The following LMBRD1 variants were observed in gnomAD, a reference collection of about 807,000 sequenced individuals.
The protein encoded by LMBRD1 is lysosomal cobalamin transport escort protein LMBD1.
In LMBRD1, 64 loss-of-function variants were observed where a neutral mutation model predicts 74.8. That is an observed-to-expected ratio of 0.86 (90% CI 0.70 to 1.05). LMBRD1 has a LOEUF of 1.05. Among genes scored for constraint, LMBRD1 ranks in the 50% least tolerant of loss-of-function variants. The pLI, the probability that LMBRD1 is intolerant of heterozygous loss-of-function variation, is 0.00. For missense variants in LMBRD1, 652 were observed against 645.9 expected (o/e 1.01, Z -0.10); for synonymous variants, 204 against 216.3 (o/e 0.94, Z 0.50).
At chr6:69,688,879 A>G (rs539417230) in intron 14 of LMBRD1, among the ~76,000 whole-genome samples, 1 of 152,224 alleles carries the variant, frequency 6.6e-6, no homozygotes, top group African/African-American at 2.4e-5. Context: ...TTACTTTTCT[A>G]TGTCAAAACA....
chr6:69,775,023 G>A lies in LMBRD1; in HGVS notation c.307+5471C>T, dbSNP rs1293886270. Among the ~76,000 whole-genome samples the A allele has an allele frequency of 9.8e-4, 105 of 106,896 alleles. 22 individuals carry two copies. Among genetic ancestry groups the A allele is most frequent in the South Asian group, 1.4e-3 (4 of 2,802 alleles). The allele number at this position is 106,896 out of a possible 152,430, so 70.1% of individuals were successfully genotyped here. ...GGAGGGAGGGAGGGAGGGAGGGAGGGAGGGAGGGAGGGAAGGAAGGAAAAG... is the reference window on the plus strand; with the variant it reads ...GGAGGGAGGGAGGGAGGGAGGGAGGAAGGGAGGGAGGGAAGGAAGGAAAAG... On this transcript the variant is annotated intron_variant, in intron 3 of 15. Coordinates refer to ENST00000649934, the MANE Select transcript of LMBRD1 (RefSeq NM_018368.4).
At chr6:69,699,262 G>A (rs1766075920) in intron 12 of LMBRD1, 70 bp from the exon 13 acceptor site, 2 of 1,363,680 alleles carry the variant, frequency 1.5e-6, no homozygotes, top group African/African-American at 1.4e-5. Context: ...CTTTTCTTGT[G>A]TTATGGGAAA....
At chr6:69,697,791 G>T in intron 13 of LMBRD1, 150 bp from the exon 14 acceptor site, 1 of 575,650 alleles carries the variant, frequency 1.7e-6, no homozygotes, top group Non-Finnish European at 3.1e-6. Context: ...ATTGCTCTTA[G>T]AAGAAAAATA....
At chr6:69,774,216 C>A (rs543778530) in intron 3 of LMBRD1, among the ~76,000 whole-genome samples, 1 of 152,198 alleles carries the variant, frequency 6.6e-6, no homozygotes, top group Non-Finnish European at 1.5e-5. Context: ...AGTTCCCCTG[C>A]ACATGCTCTT....
intron 5 of LMBRD1, 123 bp downstream of exon 5, chr6:69,749,218 G>T (rs1379997255): frequency 3.9e-6 from 3 of 759,660 alleles, no homozygotes; most frequent in African/African-American, 3.6e-5. Context: ...GATTTAGAGA[G>T]TGGATTGTTC....
chr6:69,746,671 C>T (rs1767239642), intron 5 of LMBRD1: 2 of 152,354 alleles, frequency 1.3e-5, no homozygotes, highest in Non-Finnish European at 2.9e-5. Context: ...TTCTGGACTA[C>T]ACTGAGCAAC....
chr6:69,780,373 G>T, intron 3 of LMBRD1, 121 bp downstream of exon 3: 1 of 748,420 alleles, frequency 1.3e-6, no homozygotes, highest in Non-Finnish European at 2.4e-6. Flanking sequence ...CTCCATGTGT[G>T]TCCATGTCAT....
intron 8 of LMBRD1, among the ~76,000 whole-genome samples, chr6:69,716,578 T>C (rs1009954513): frequency 3.3e-5 from 5 of 152,116 alleles, no homozygotes; most frequent in Non-Finnish European, 7.4e-5. Flanking sequence ...ATGTGCACAA[T>C]CAGTAGAGCT....
At chr6:69,713,553 G>T in intron 9 of LMBRD1, 92 bp downstream of exon 9, 1 of 1,299,950 alleles carries the variant, frequency 7.7e-7, no homozygotes, top group Non-Finnish European at 1.1e-6. Flanking sequence ...GTACCATGCT[G>T]TAATGCCTCA....
intron 3 of LMBRD1, among the ~76,000 whole-genome samples, chr6:69,766,963 G>A (rs1562118559): frequency 6.6e-6 from 1 of 151,494 alleles, no homozygotes; most frequent in Non-Finnish European, 1.5e-5. Context: ...AAATTGTCTA[G>A]GAATTTATCC....
intron 1 of LMBRD1, among the ~76,000 whole-genome samples, chr6:69,791,397 C>G (rs1020822319): frequency 6.6e-6 from 1 of 152,226 alleles, no homozygotes; most frequent in Non-Finnish European, 1.5e-5. Flanking sequence ...TCAGCCTTCA[C>G]TGTGAGTCAG....
At chr6:69,759,261 A>G (rs550933365) in intron 3 of LMBRD1, among the ~76,000 whole-genome samples, 5 of 152,320 alleles carry the variant, frequency 3.3e-5, no homozygotes, top group Middle Eastern at 6.8e-3. Flanking sequence ...GAAGAGAAAC[A>G]TAAGTGCTCA....
intron 2 of LMBRD1, 73 bp from the exon 3 acceptor site, chr6:69,780,627 TACGAC>T: frequency 9.2e-7 from 1 of 1,083,634 alleles, no homozygotes; most frequent in Non-Finnish European, 1.4e-6. Context: ...CAAGTTTTAA[TACGAC>T]TGAATATCAC....
intron 7 of LMBRD1, 25 bp from the exon 8 acceptor site, chr6:69,719,106 T>A: frequency 6.2e-7 from 1 of 1,606,258 alleles, no homozygotes; most frequent in Non-Finnish European, 8.5e-7. Context: ...ATTGAAATGT[T>A]TTAGAAATAA....
intron 4 of LMBRD1, among the ~76,000 whole-genome samples, chr6:69,751,585 C>T (rs67678871): frequency 0.34 from 52,398 of 152,102 alleles, 9,957 homozygotes; most frequent in East Asian, 0.54. Context: ...GCCTCGGCCT[C>T]CCAAAGTGCT....
At chr6:69,781,224 T>C (rs1765827623) in intron 2 of LMBRD1, among the ~76,000 whole-genome samples, 1 of 152,182 alleles carries the variant, frequency 6.6e-6, no homozygotes. Context: ...GCTTAGAAAA[T>C]ATAATTCAAA....
intron 3 of LMBRD1, among the ~76,000 whole-genome samples, chr6:69,756,517 A>T (rs78687955): frequency 0.02 from 3,034 of 152,332 alleles, 107 homozygotes; most frequent in African/African-American, 0.069. Flanking sequence ...TGCAGAAACA[A>T]CTAACATTAT....
chr6:69,747,195 T>C (rs1257920606), intron 5 of LMBRD1, among the ~76,000 whole-genome samples: 1 of 152,186 alleles, frequency 6.6e-6, no homozygotes, highest in Non-Finnish European at 1.5e-5. Flanking sequence ...TCCCATGGCA[T>C]TGGTGAGGAA....
In LMBRD1 at chr6:69,787,434, G is replaced by A. The variant is rs185167481; in HGVS notation, c.246+2862C>T. On this transcript the variant is annotated intron_variant, in intron 2 of 15. Coordinates refer to ENST00000649934, the MANE Select transcript of LMBRD1 (RefSeq NM_018368.4). Reference sequence around the variant, plus strand: ...TCTAAGTTAAAAGCAAACAGAACTAGAGACAACTTAATAATGAAAAGTAGG... The same window carrying A: ...TCTAAGTTAAAAGCAAACAGAACTAAAGACAACTTAATAATGAAAAGTAGG... Among the ~76,000 whole-genome samples, 16 of 152,230 alleles carry A rather than the reference G, an allele frequency of 1.1e-4. No homozygotes were observed. In the East Asian group the frequency reaches 3.1e-3, roughly 29 times the overall value.
Sources: allele counts gnomAD v4.1 joint callset (sites outside exome capture counted in the v4.1 genomes callset), GRCh38; gene constraint gnomAD v4.1.1; transcripts MANE v1.5; gene names NCBI Gene and HGNC (gene_info 2026-07-23, HGNC 2026-07-21).